Variants in SPTB observed in about 807,000 individuals in gnomAD.
SPTB encodes spectrin beta chain, erythrocytic.
SPTB carries 45 observed loss-of-function variants against 256.2 expected under a neutral mutation model. That is an observed-to-expected ratio of 0.18 (90% confidence interval 0.14 to 0.23). SPTB has a LOEUF of 0.23. SPTB is among the 10% of genes least tolerant of loss of function. The pLI is 1.00. For missense variants in SPTB, 2,715 were observed against 3,040.4 expected, an observed-to-expected ratio of 0.89 and a Z score of 2.52; for synonymous variants, 1,231 against 1,243.1, an observed-to-expected ratio of 0.99 and a Z score of 0.21.
At chr14:64,879,048 T>C (rs1182903211) in intron 1 of SPTB, among the ~76,000 whole-genome samples, 1 of 152,200 alleles carries the variant, frequency 6.6e-6, no homozygotes, top group African/African-American at 2.4e-5. Flanking sequence ...TCTCCCACTT[T>C]CTGCTATTTC....
At chr14:64,756,998 C>A (rs2139441521) in intron 32 of SPTB, 1 of 152,470 alleles carries the variant, frequency 6.6e-6, no homozygotes, top group South Asian at 2.1e-4. Context: ...TGGGGTCTTT[C>A]TGTGGATCCT....
Position 64,778,222 on chromosome 14 carries a change from C to T in SPTB, c.4563+935G>A, listed in dbSNP as rs1271365029. 6.6e-6 allele frequency among the ~76,000 whole-genome samples: 1 copy of T among 152,182 alleles called. No individual in the cohort carries two copies. The highest frequency in any genetic ancestry group is 1.9e-4 in the East Asian group (1 of 5,190). The stretch of plus-strand genomic sequence containing the variant: ...GAAACTTCTCTGAATATAATCTAGG[C>T]CTCTGCACTGCTGCTGGGCTCACAT... On this transcript the variant is annotated intron_variant, in intron 22 of 35. Coordinates refer to ENST00000644917, the MANE Select transcript of SPTB (RefSeq NM_001355436.2). The surrounding 1 kb of genome is among the most constrained non-coding windows in gnomAD (Gnocchi z 5.2).
rs777732283 is a variant in SPTB at position 64,796,514 on chromosome 14, A to G, written c.1341+43T>C. 6 of 1,613,622 alleles carry G rather than the reference A, an allele frequency of 3.7e-6. No homozygotes were observed. ...CCCAGCCAAGAGCTGGGGGCTCTGA[A>G]GAATGTCCCCTCTCCTGTCACCCAA... is the stretch of plus-strand genomic sequence containing the variant. On this transcript the variant is annotated intron_variant, in intron 11 of 35. Transcript: ENST00000644917. This position sits in a 1 kb window ranked among gnomAD's most constrained non-coding sequence, Gnocchi z 4.1.
chr14:64,786,572 C>G lies in SPTB; in HGVS notation c.3393G>C (p.Gln1131His), dbSNP rs774172612. 6.2e-7 allele frequency: 1 copy of G among 1,614,084 alleles called. No individual in the cohort carries two copies. Residue 1131 changes from glutamine to histidine, a missense_variant, in exon 16 of 36, where the codon CAG becomes CAC. By Grantham distance (24) the Gln-to-His change is conservative. This residue lies in a region of SPTB where 2,239 missense variants were observed against 2,384.4 expected (regional missense o/e 0.94). Transcript: ENST00000644917. The surrounding 1 kb of genome is among the most constrained non-coding windows in gnomAD (Gnocchi z 5.6). ...CCAGAAGCAGATACTCTGGGTCCGTCTGGCCTTGGATCACTTTCTCCCCAG... is the reference window on the plus strand; with the variant it reads ...CCAGAAGCAGATACTCTGGGTCCGTGTGGCCTTGGATCACTTTCTCCCCAG... Reference protein sequence around the residue: ...KESGEKVIQGQTDPEYLLLGQ... With the variant: ...KESGEKVIQGHTDPEYLLLGQ...
chr14:64,786,783 C>A lies in SPTB; in HGVS notation c.3182G>T (p.Ser1061Ile). ...QGQEDLLGEV[S>I]QLQAFLQDLD... ...ATCCTGCAGGAAGGCCTGCAGCTGGCTGACTTCCCCCAGCAAGTCCTCCTG... is the reference window on the plus strand; with the variant it reads ...ATCCTGCAGGAAGGCCTGCAGCTGGATGACTTCCCCCAGCAAGTCCTCCTG... The change falls in exon 16 of 36, where the codon AGC becomes ATC. Residue 1061 changes from serine to isoleucine, a missense_variant. Physicochemically the swap from Ser to Ile is moderately radical, Grantham distance 142 (BLOSUM62 -2). Transcript: ENST00000644917. This position sits in a 1 kb window ranked among gnomAD's most constrained non-coding sequence, Gnocchi z 5.6. 2 of 1,614,040 alleles carry A rather than the reference C, an allele frequency of 1.2e-6. No individual in the cohort carries two copies. Among genetic ancestry groups the A allele is most frequent in the Non-Finnish European group, 1.7e-6 (2 of 1,180,018 alleles).
chr14:64,869,525 G>A (rs2139819828), intron 1 of SPTB, among the ~76,000 whole-genome samples: 1 of 151,992 alleles, frequency 6.6e-6, no homozygotes, highest in Non-Finnish European at 1.5e-5. Context: ...GCTCACTGCA[G>A]CCTTGAACTC....
At chr14:64,784,043 G>A (rs2082518163) in intron 19 of SPTB, among the ~76,000 whole-genome samples, 1 of 152,248 alleles carries the variant, frequency 6.6e-6, no homozygotes, top group Admixed American at 6.5e-5. Flanking sequence ...AGGTGACCCA[G>A]AAGAGGCACT....
Position 64,749,115 on chromosome 14 carries a change from G to A in SPTB, c.*191C>T. On this transcript the variant is annotated 3_prime_UTR_variant, in exon 36 of 36. Coordinates refer to ENST00000644917, the MANE Select transcript of SPTB (RefSeq NM_001355436.2). This position sits in a 1 kb window ranked among gnomAD's most constrained non-coding sequence, Gnocchi z 4.7. ...CTGGAGCGGAGCCAGCGCGGGCGAG[G>A]GCATGGAGGGGGCGTCGGCCCAGGA... 1.7e-6 allele frequency: 1 copy of A among 592,720 alleles called. No individual in the cohort carries two copies. 36.7% of individuals were successfully genotyped at this position (592,720 alleles called of 1,614,324 possible). A position where few individuals can be genotyped will look rare whatever the true frequency, so the allele number is the denominator to read the frequency against.
chr14:64,794,510 C>T lies in SPTB; in HGVS notation c.1752G>A (p.Val584=), dbSNP rs1355353128. The T allele has an allele frequency of 1.9e-6, 3 of 1,614,086 alleles. No individual in the cohort carries two copies. The highest frequency in any genetic ancestry group is 2.5e-6 in the Non-Finnish European group (3 of 1,180,050). ...TCAGGGTGGCTGCGGTGATGGCCTT[C>T]ACTTTGTCCCCTTGGATGGCGATGT... ...EADIAIQGDK[V]KAITAATLKF... is the part of the protein sequence containing the mutation. Residue 584 remains valine (V), a synonymous_variant, in exon 13 of 36, where the codon GTG becomes GTA. Transcript: ENST00000644917.
At chr14:64,753,198 T>A (rs188356509) in intron 33 of SPTB, among the ~76,000 whole-genome samples, 1 of 152,166 alleles carries the variant, frequency 6.6e-6, no homozygotes. Flanking sequence ...TAACAGCTAG[T>A]GTTCACCAAG....
Position 64,772,642 on chromosome 14 carries a change from C to T in SPTB, c.5491G>A (p.Ala1831Thr), listed in dbSNP as rs2082294640. Reference protein sequence around the residue: ...PEDVGLDASTAESFHRVHTAF... With the variant: ...PEDVGLDASTTESFHRVHTAF... ...GTGTGCACCCGGTGGAAGGACTCGG[C>T]CGTGCTGGCGTCCAGCCCCACGTCC... The change falls in exon 26 of 36, where the codon GCC (alanine) becomes ACC (threonine). Residue 1831 changes from alanine to threonine, a missense_variant. This residue lies in a region of SPTB where 2,239 missense variants were observed against 2,384.4 expected (regional missense o/e 0.94). Transcript: ENST00000644917. The surrounding 1 kb of genome is among the most constrained non-coding windows in gnomAD (Gnocchi z 5.4). 4 of 1,612,978 alleles carry T rather than the reference C, an allele frequency of 2.5e-6. No homozygotes were observed. The highest frequency in any genetic ancestry group is 3.4e-6 in the Non-Finnish European group (4 of 1,179,790).
intron 2 of SPTB, 82 bp from the exon 3 acceptor site, chr14:64,805,172 GC>G: frequency 6.6e-7 from 1 of 1,511,954 alleles, no homozygotes; most frequent in Non-Finnish European, 9.2e-7. Flanking sequence ...TTTACCTTAA[GC>G]CCAGGGTACC....
chr14:64,756,132 ACT>A (rs1329343234), intron 32 of SPTB: 3 of 152,002 alleles, frequency 2.0e-5, no homozygotes, highest in South Asian at 2.1e-4. Context: ...GCAAGGCAGA[ACT>A]CTCTAGTTGC....
At chr14:64,800,142 A>G (rs1393094578) in intron 8 of SPTB, among the ~76,000 whole-genome samples, 2 of 152,206 alleles carry the variant, frequency 1.3e-5, no homozygotes, top group African/African-American at 4.8e-5. Flanking sequence ...CCTCTTGCCA[A>G]TCGGCAGCGA....
At chr14:64,805,160 G>A (rs2082959514) in intron 2 of SPTB, 70 bp from the exon 3 acceptor site, 1 of 1,582,046 alleles carries the variant, frequency 6.3e-7, no homozygotes, top group Middle Eastern at 1.7e-4. Flanking sequence ...GGGCCAAGGG[G>A]TTTTACCTTA....
rs2082138522 is a variant in SPTB, at chr14:64,764,571, A to G, written c.6345+2155T>C. Reference sequence around the variant, plus strand: ...GTCCAAACAGGTTTTATTCCCCCCAACCCAGTGACATTCAGGTGTTGGCTG... The same window carrying G: ...GTCCAAACAGGTTTTATTCCCCCCAGCCCAGTGACATTCAGGTGTTGGCTG... On this transcript the variant is annotated intron_variant, in intron 32 of 35. Transcript: ENST00000644917. The surrounding 1 kb of genome is among the most constrained non-coding windows in gnomAD (Gnocchi z 4.2). 6.6e-6 allele frequency among the ~76,000 whole-genome samples: 1 copy of G among 152,134 alleles called. No individual in the cohort carries two copies.
At chr14:64,836,468 T>C (rs999607608) in intron 1 of SPTB, among the ~76,000 whole-genome samples, 1 of 152,116 alleles carries the variant, frequency 6.6e-6, no homozygotes, top group Non-Finnish European at 1.5e-5. Context: ...CTCTCGGTAC[T>C]GAGTTTGTGG....
chr14:64,821,391 A>G (rs1209621322), intron 2 of SPTB, among the ~76,000 whole-genome samples: 2 of 152,208 alleles, frequency 1.3e-5, no homozygotes, highest in East Asian at 3.8e-4. Context: ...AGCAACTGTT[A>G]AAATAGAATT....
At position 64,764,350 on chromosome 14, in the gene SPTB, G is replaced by T. The variant is rs956251309; in HGVS notation, c.6345+2376C>A. On this transcript the variant is annotated intron_variant, in intron 32 of 35. Coordinates refer to ENST00000644917, the MANE Select transcript of SPTB (RefSeq NM_001355436.2). This position sits in a 1 kb window ranked among gnomAD's most constrained non-coding sequence, Gnocchi z 4.2. ...CTCTGAGGTTCGTGGATCCCCATGAGAACTTAACAAAAGGCTCAGAAGGGA... is the reference window on the plus strand; with the variant it reads ...CTCTGAGGTTCGTGGATCCCCATGATAACTTAACAAAAGGCTCAGAAGGGA... Among the ~76,000 whole-genome samples, 3 of 152,230 alleles carry T rather than the reference G, an allele frequency of 2.0e-5. No homozygotes were observed. Among genetic ancestry groups the T allele is most frequent in the African/African-American group, 7.2e-5 (3 of 41,452 alleles).
Sources: allele counts gnomAD v4.1 joint callset (sites outside exome capture counted in the v4.1 genomes callset), GRCh38; gene constraint gnomAD v4.1.1; regional missense constraint gnomAD v4.1.1; non-coding constraint Gnocchi (gnomAD v3.1); transcripts MANE v1.5; gene names NCBI Gene and HGNC (gene_info 2026-07-23, HGNC 2026-07-21).